The following STRBP variants were observed in gnomAD, a reference collection of about 807,000 sequenced individuals.
STRBP encodes spermatid perinuclear RNA-binding protein.
In STRBP, 13 loss-of-function variants were observed where a neutral mutation model predicts 80.1. The ratio of observed to expected loss-of-function variants is 0.16; its 90% confidence interval spans 0.11 to 0.26. STRBP has a LOEUF of 0.26. STRBP is among the 10% of genes least tolerant of loss of function. The pLI, the probability that STRBP is intolerant of heterozygous loss-of-function variation, is 1.00. For missense variants in STRBP, 485 were observed against 815.2 expected (o/e 0.59, Z 4.93); for synonymous variants, 284 against 291.2 (o/e 0.98, Z 0.25).
chr9:123,111,324 C>T (rs892927041), intron 3 of STRBP: 1 of 257,158 alleles, frequency 3.9e-6, no homozygotes, highest in Non-Finnish European at 8.1e-6. Context: ...AAACCTAAGA[C>T]ACGACTTGTA....
rs2035828042 is a variant in STRBP, at chr9:123,124,649, A to T, written c.*948T>A. 2 of 985,368 alleles carry T rather than the reference A, an allele frequency of 2.0e-6. No individual in the cohort carries two copies. The highest frequency in any genetic ancestry group is 2.4e-6 in the Non-Finnish European group (2 of 829,946). 61.0% of individuals were successfully genotyped at this position (985,368 alleles called of 1,614,324 possible). ...TCACTAATCTTCTATCTGCATGAAA[A>T]AAGCCAGGGAGTGAACACAATATCT... On this transcript the variant is annotated 3_prime_UTR_variant, in exon 19 of 19. Transcript: ENST00000348403.
intron 5 of STRBP, among the ~76,000 whole-genome samples, chr9:123,172,497 AG>A (rs1369326702): frequency 6.6e-6 from 1 of 152,204 alleles, no homozygotes; most frequent in East Asian, 1.9e-4. Context: ...TTTTTTTAAA[AG>A]GGAGGGAAAG....
chr9:123,215,248 G>A (rs760136768), intron 2 of STRBP, among the ~76,000 whole-genome samples: 20 of 152,072 alleles, frequency 1.3e-4, no homozygotes, highest in Admixed American at 3.3e-4. Context: ...GTAGAGACAC[G>A]TTCTTGCTAT....
intron 7 of STRBP, 138 bp downstream of exon 7, chr9:123,160,839 A>T: frequency 1.5e-6 from 1 of 655,170 alleles, no homozygotes; most frequent in Non-Finnish European, 2.6e-6. Context: ...AAATTAACTC[A>T]ATTACTCCAA....
chr9:123,191,023 C>T (rs987585358), intron 2 of STRBP, among the ~76,000 whole-genome samples: 2 of 152,038 alleles, frequency 1.3e-5, no homozygotes, highest in Non-Finnish European at 2.9e-5. Context: ...CAACAGTGAA[C>T]AAAACAGACA....
At chr9:123,183,079 A>G (rs2038554127) in intron 3 of STRBP, among the ~76,000 whole-genome samples, 1 of 151,944 alleles carries the variant, frequency 6.6e-6, no homozygotes, top group African/African-American at 2.4e-5. Flanking sequence ...CCGGCTAAAC[A>G]ACATATTCCA....
At chr9:123,200,472 T>C (rs1243935266) in intron 2 of STRBP, among the ~76,000 whole-genome samples, 1 of 152,120 alleles carries the variant, frequency 6.6e-6, no homozygotes, top group African/African-American at 2.4e-5. Context: ...TCTTTTGGAA[T>C]AGTTTCAGTA....
intron 6 of STRBP, among the ~76,000 whole-genome samples, chr9:123,167,021 T>C (rs2037795626): frequency 6.6e-6 from 1 of 152,136 alleles, no homozygotes; most frequent in Non-Finnish European, 1.5e-5. Context: ...AAATCGTGAT[T>C]TGAAAGGAGT....
At chr9:123,156,564 C>T (rs1404017248) in intron 11 of STRBP, among the ~76,000 whole-genome samples, 1 of 151,118 alleles carries the variant, frequency 6.6e-6, no homozygotes, top group Admixed American at 6.6e-5. Context: ...CAATTTTAAA[C>T]ACAAGGATAT....
intron 2 of STRBP, among the ~76,000 whole-genome samples, chr9:123,185,100 A>G: frequency 7.0e-6 from 1 of 143,646 alleles, no homozygotes; most frequent in East Asian, 2.3e-4. Context: ...GAAAAAAATT[A>G]AAAAAAAAAA....
At position 123,125,376 on chromosome 9, in the gene STRBP, C is replaced by G. The variant is rs1375629577; in HGVS notation, c.*221G>C. On this transcript the variant is annotated 3_prime_UTR_variant, in exon 19 of 19. Coordinates refer to ENST00000348403, the MANE Select transcript of STRBP (RefSeq NM_018387.5). ...AGAAGGGCTGGTATAAGTTATTTTC[C>G]AGAAATGAGGTACCGTTTTCACAGA... The G allele has an allele frequency of 8.2e-7, 1 of 1,216,544 alleles. No homozygotes were observed. The highest frequency in any genetic ancestry group is 1.6e-5 in the African/African-American group (1 of 63,360). 75.4% of individuals were successfully genotyped at this position (1,216,544 alleles called of 1,614,324 possible).
At chr9:123,166,906 G>C (rs981111645) in intron 6 of STRBP, among the ~76,000 whole-genome samples, 1 of 152,160 alleles carries the variant, frequency 6.6e-6, no homozygotes, top group Non-Finnish European at 1.5e-5. Flanking sequence ...TTCAAGTAAA[G>C]GGTTAGAATA....
intron 1 of STRBP, among the ~76,000 whole-genome samples, chr9:123,260,336 G>A (rs2041134067): frequency 6.6e-6 from 1 of 152,212 alleles, no homozygotes; most frequent in Admixed American, 6.5e-5. Context: ...AGGGAGGAAA[G>A]CAGCCCATAA....
intron 2 of STRBP, among the ~76,000 whole-genome samples, chr9:123,233,346 GGGTTACA>G (rs990643689): frequency 1.5e-4 from 23 of 152,158 alleles, no homozygotes; most frequent in African/African-American, 5.1e-4. Flanking sequence ...AGAGTCATTA[GGGTTACA>G]GGCCTGAGCC....
intron 2 of STRBP, among the ~76,000 whole-genome samples, chr9:123,199,687 T>C (rs1291972914): frequency 1.3e-5 from 2 of 152,230 alleles, no homozygotes; most frequent in African/African-American, 2.4e-5. Context: ...AGCTTGATCA[T>C]TGCTGGTGTA....
chr9:123,153,694 C>G (rs534372132), intron 11 of STRBP, among the ~76,000 whole-genome samples: 1 of 152,268 alleles, frequency 6.6e-6, no homozygotes, highest in African/African-American at 2.4e-5. Flanking sequence ...TTTGAGATGT[C>G]TGCTGGACAT....
chr9:123,155,775 TGA>T (rs1002234398), intron 11 of STRBP, among the ~76,000 whole-genome samples: 9 of 150,964 alleles, frequency 6.0e-5, no homozygotes, highest in Admixed American at 3.3e-4. Flanking sequence ...AAAATATTTG[TGA>T]GAGAAGAAGT....
intron 17 of STRBP, among the ~76,000 whole-genome samples, chr9:123,129,733 C>G (rs1045897846): frequency 1.3e-5 from 2 of 152,206 alleles, no homozygotes; most frequent in African/African-American, 4.8e-5. Context: ...TCTCTGAATG[C>G]CAAGTTCTAA....
At chr9:123,134,000 A>G (rs1398909639) in intron 16 of STRBP, among the ~76,000 whole-genome samples, 1 of 152,212 alleles carries the variant, frequency 6.6e-6, no homozygotes, top group Non-Finnish European at 1.5e-5. Flanking sequence ...AATGAGAATA[A>G]TGATACTTTG....
Sources: allele counts gnomAD v4.1 joint callset (sites outside exome capture counted in the v4.1 genomes callset), GRCh38; gene constraint gnomAD v4.1.1; transcripts MANE v1.5; gene names NCBI Gene and HGNC (gene_info 2026-07-23, HGNC 2026-07-21).